MTCL2: variants seen among roughly 807,000 people sequenced by gnomAD.
The protein encoded by MTCL2 is microtubule cross-linking factor 2.
the MTCL2 span, among the ~76,000 whole-genome samples, chr20:36,802,580 T>C: frequency 3.3e-5 from 5 of 152,136 alleles, no homozygotes; most frequent in Non-Finnish European, 5.9e-5. Context: ...GATATGAGCA[T>C]GAAACTAACA....
At chr20:36,788,658 A>C in the MTCL2 span, among the ~76,000 whole-genome samples, 1 of 152,204 alleles carries the variant, frequency 6.6e-6, no homozygotes, top group African/African-American at 2.4e-5. Flanking sequence ...AAATAAATAA[A>C]TAAAATAAAA....
At chr20:36,822,096 A>T in the MTCL2 span, among the ~76,000 whole-genome samples, 2 of 152,216 alleles carry the variant, frequency 1.3e-5, no homozygotes, top group African/African-American at 2.4e-5. Context: ...GTGGGCTCCC[A>T]CACAGCCCTG....
At chr20:36,840,253 C>G in the MTCL2 span, among the ~76,000 whole-genome samples, 1 of 151,836 alleles carries the variant, frequency 6.6e-6, no homozygotes, top group African/African-American at 2.4e-5. Flanking sequence ...CAAACTCCCC[C>G]TCCTGGGTTC....
chr20:36,795,083 C>T, the MTCL2 span, among the ~76,000 whole-genome samples: 1 of 152,054 alleles, frequency 6.6e-6, no homozygotes, highest in Non-Finnish European at 1.5e-5. Context: ...AAATTACAGG[C>T]GTGCGCCACC....
chr20:36,802,784 TCCTG>T, the MTCL2 span: 5 of 1,501,022 alleles, frequency 3.3e-6, no homozygotes, highest in Non-Finnish European at 4.5e-6. Flanking sequence ...CTGAAGGAGT[TCCTG>T]CTTCTGAATC....
At chr20:36,846,886 TG>T in the MTCL2 span, among the ~76,000 whole-genome samples, 3 of 152,216 alleles carry the variant, frequency 2.0e-5, no homozygotes, top group African/African-American at 7.2e-5. Flanking sequence ...GGCGTGTGCC[TG>T]TAATCCCAGC....
the MTCL2 span, chr20:36,812,585 A>T: frequency 7.5e-7 from 1 of 1,341,584 alleles, no homozygotes; most frequent in Non-Finnish European, 1.0e-6. Flanking sequence ...CTGGAACCAA[A>T]TGGAATGCCC....
At chr20:36,795,923 T>C in the MTCL2 span, among the ~76,000 whole-genome samples, 1 of 152,184 alleles carries the variant, frequency 6.6e-6, no homozygotes, top group Non-Finnish European at 1.5e-5. Context: ...CTCCTTGTGG[T>C]GGGATGACTC....
At chr20:36,855,369 G>A in the MTCL2 span, among the ~76,000 whole-genome samples, 3 of 152,192 alleles carry the variant, frequency 2.0e-5, no homozygotes, top group South Asian at 2.1e-4. Context: ...CCTGGACCTC[G>A]GAGAACAAAG....
At chr20:36,816,659 C>A in the MTCL2 span, among the ~76,000 whole-genome samples, 1 of 152,168 alleles carries the variant, frequency 6.6e-6, no homozygotes, top group Admixed American at 6.5e-5. Context: ...CTCTGACAAT[C>A]CCATACCACT....
chr20:36,815,398 G>C, the MTCL2 span: 1 of 1,612,900 alleles, frequency 6.2e-7, no homozygotes, highest in Non-Finnish European at 8.5e-7. The surrounding 1 kb of genome is among the most constrained non-coding windows in gnomAD (Gnocchi z 5.3). Flanking sequence ...AGACACAGCC[G>C]GAGGCCAGCC....
At chr20:36,793,675 G>A in the MTCL2 span, 12 of 1,549,678 alleles carry the variant, frequency 7.7e-6, no homozygotes, top group East Asian at 2.4e-5. This position sits in a 1 kb window ranked among gnomAD's most constrained non-coding sequence, Gnocchi z 6.8. Flanking sequence ...AGGCCGAGCC[G>A]TTCTGCTTGC....
chr20:36,861,728 A>G, the MTCL2 span, among the ~76,000 whole-genome samples: 20 of 152,138 alleles, frequency 1.3e-4, no homozygotes, highest in Non-Finnish European at 1.5e-5. Flanking sequence ...CCAGCCTCCC[A>G]GGGAGAGGTC....
chr20:36,825,635 G>C, the MTCL2 span, among the ~76,000 whole-genome samples: 1 of 152,194 alleles, frequency 6.6e-6, no homozygotes, highest in African/African-American at 2.4e-5. Flanking sequence ...AGGGGCTCCT[G>C]TTCCCAGCCG....
the MTCL2 span, among the ~76,000 whole-genome samples, chr20:36,841,874 GGTGTGTGTGTGTGTGTGTGTGTGTGTGT>G: frequency 1.4e-4 from 16 of 110,864 alleles, no homozygotes; most frequent in African/African-American, 1.6e-4. Flanking sequence ...TGGGGGGTGG[GGTGTGTGTGTGTGTGTGTGTGTGTGTGT>G]GTGTGTGTGT....
chr20:36,819,506 T>A, the MTCL2 span, among the ~76,000 whole-genome samples: 2 of 151,810 alleles, frequency 1.3e-5, no homozygotes, highest in African/African-American at 4.8e-5. Context: ...ACATAGCTCT[T>A]GACCAAATTC....
At chr20:36,794,659 T>C in the MTCL2 span, 8 of 1,608,630 alleles carry the variant, frequency 5.0e-6, no homozygotes, top group South Asian at 8.8e-5. The surrounding 1 kb of genome is among the most constrained non-coding windows in gnomAD (Gnocchi z 5.4). Flanking sequence ...GGGCACACTC[T>C]GGTCTACCAC....
chr20:36,808,748 C>CG, the MTCL2 span: 1 of 1,575,002 alleles, frequency 6.3e-7, no homozygotes, highest in South Asian at 1.1e-5. Flanking sequence ...CTTCAGCTGC[C>CG]GGGGGACAAG....
chr20:36,818,300 T>C, the MTCL2 span, among the ~76,000 whole-genome samples: 1 of 152,222 alleles, frequency 6.6e-6, no homozygotes. Context: ...AGGCTGGATG[T>C]GGTAGTTCAT....
Sources: gnomAD v4.1 joint callset for allele counts (sites outside exome capture counted in the v4.1 genomes callset) on GRCh38, gnomAD v4.1.1 for gene constraint, Gnocchi (gnomAD v3.1) non-coding constraint, MANE v1.5 for transcripts, NCBI Gene and HGNC (gene_info 2026-07-23, HGNC 2026-07-21) for gene names.